The following PRR5L variants were observed in gnomAD, a reference collection of about 807,000 sequenced individuals.
PRR5L encodes proline-rich protein 5-like.
Under a neutral mutation model 36.4 loss-of-function variants are expected in PRR5L, and 21 were observed. The ratio of observed to expected loss-of-function variants is 0.58; its 90% confidence interval spans 0.41 to 0.83. The LOEUF is 0.83. Ranked by LOEUF, PRR5L falls within the 40% of genes least tolerant of loss-of-function variation. The pLI is 0.00. For synonymous variants in PRR5L, 188 were observed against 197.0 expected (o/e 0.95, Z 0.38); for missense variants, 381 against 473.3 (o/e 0.80, Z 1.81).
At chr11:36,356,051 A>G (rs1261430632) in intron 1 of PRR5L, among the ~76,000 whole-genome samples, 2 of 151,994 alleles carry the variant, frequency 1.3e-5, no homozygotes, top group East Asian at 3.9e-4. Context: ...AGCTGGGACT[A>G]CAGGCACATG....
Position 36,391,297 on chromosome 11 carries a change from T to A in PRR5L, c.-125-9700T>A, listed in dbSNP as rs922497691. ...GAATTCATTTGCATTTTCCACTAAG[T>A]GCAGCATCTTCCTCTACCCACTGCC... On this transcript the variant is annotated intron_variant, in intron 1 of 8. Transcript: ENST00000530639. Among the ~76,000 whole-genome samples, 3 of 152,224 alleles carry A rather than the reference T, an allele frequency of 2.0e-5. No individual in the cohort carries two copies. The South Asian group carries it at 6.2e-4, about 32-fold the overall frequency.
intron 1 of PRR5L, chr11:36,329,207 C>T (rs1856694793): frequency 6.6e-6 from 1 of 152,032 alleles, no homozygotes; most frequent in Non-Finnish European, 1.5e-5. Context: ...GCAATGTTAT[C>T]GTCATGGTTA....
At chr11:36,414,175 C>A (rs1267368119) in intron 3 of PRR5L, among the ~76,000 whole-genome samples, 1 of 151,502 alleles carries the variant, frequency 6.6e-6, no homozygotes, top group Admixed American at 6.6e-5. Flanking sequence ...AGTAAACATA[C>A]GTGTGCATGT....
intron 3 of PRR5L, among the ~76,000 whole-genome samples, chr11:36,413,392 C>A (rs1858068686): frequency 6.6e-6 from 1 of 152,188 alleles, no homozygotes; most frequent in South Asian, 2.1e-4. Context: ...TCCTGCGATT[C>A]TTTCTCGGGC....
intron 1 of PRR5L, among the ~76,000 whole-genome samples, chr11:36,389,614 A>ATT (rs368918273): frequency 0.55 from 74,281 of 134,968 alleles, 21,386 homozygotes; most frequent in Admixed American, 0.65. Flanking sequence ...AGCCCCATGT[A>ATT]TTTTTTTTTT....
In PRR5L at chr11:36,319,930, G is replaced by A. The variant is rs138064134; in HGVS notation, c.-126+23492G>A. 7.9e-3 allele frequency among the ~76,000 whole-genome samples: 1,200 copies of A among 152,236 alleles called. 21 individuals carry two copies. The highest frequency in any genetic ancestry group is 0.027 in the African/African-American group (1,141 of 41,530). On this transcript the variant is annotated intron_variant, in intron 1 of 8. Coordinates refer to ENST00000530639, the MANE Select transcript of PRR5L (RefSeq NM_001160167.2). Reference sequence around the variant, plus strand: ...GAGGGGGATTTACCAGCCCTCTCAAGGCTGCACGCAGGAGGAAAGAGGTTG... The same window carrying A: ...GAGGGGGATTTACCAGCCCTCTCAAAGCTGCACGCAGGAGGAAAGAGGTTG...
intron 1 of PRR5L, among the ~76,000 whole-genome samples, chr11:36,322,948 T>C (rs1856627127): frequency 6.6e-6 from 1 of 152,170 alleles, no homozygotes; most frequent in South Asian, 2.1e-4. Context: ...AGCCAAGGAA[T>C]GCAAGGATCG....
intron 4 of PRR5L, among the ~76,000 whole-genome samples, chr11:36,428,978 C>A (rs919663776): frequency 6.6e-6 from 1 of 152,082 alleles, no homozygotes; most frequent in Non-Finnish European, 1.5e-5. Context: ...TGTATTGTGA[C>A]AAATTTTAAA....
chr11:36,431,992 G>T, intron 5 of PRR5L, 82 bp downstream of exon 5: 1 of 1,230,874 alleles, frequency 8.1e-7, no homozygotes, highest in Non-Finnish European at 1.2e-6. Flanking sequence ...CTTCTGTCCA[G>T]AAGGGGCAGG....
Position 36,372,976 on chromosome 11 carries a change from T to TTGTGTGTGTG in PRR5L, c.-125-27999_-125-27990dup, listed in dbSNP as rs36076560. 3.6e-3 allele frequency among the ~76,000 whole-genome samples: 535 copies of TTGTGTGTGTG among 146,748 alleles called. 2 individuals carry two copies. The highest frequency in any genetic ancestry group is 0.012 in the African/African-American group (472 of 40,412). On this transcript the variant is annotated intron_variant, in intron 1 of 8. Transcript: ENST00000530639. ...CTTCAGCTTTTGCGCTGCCTAATAG[T>TTGTGTGTGTG]TGTGTGTGTGTGTGTGTGTGTGTGT...
At chr11:36,322,063 T>G (rs1029316348) in intron 1 of PRR5L, among the ~76,000 whole-genome samples, 25 of 152,316 alleles carry the variant, frequency 1.6e-4, no homozygotes, top group African/African-American at 6.0e-4. Context: ...AGGGATGTAA[T>G]CAACCCATAA....
At chr11:36,309,654 G>GGTGGTGGTGGTA (rs1280311718) in intron 1 of PRR5L, among the ~76,000 whole-genome samples, 1 of 151,722 alleles carries the variant, frequency 6.6e-6, no homozygotes, top group African/African-American at 2.4e-5. Flanking sequence ...TGGGGATGAT[G>GGTGGTGGTGGTA]ATGGTGGTGG....
At chr11:36,358,538 G>A (rs988186958) in intron 1 of PRR5L, among the ~76,000 whole-genome samples, 1 of 152,080 alleles carries the variant, frequency 6.6e-6, no homozygotes, top group African/African-American at 2.4e-5. Context: ...AATAGACTAC[G>A]GTATAGTATA....
chr11:36,433,405 ATGT>A (rs1193613808), intron 5 of PRR5L, among the ~76,000 whole-genome samples: 3 of 152,190 alleles, frequency 2.0e-5, no homozygotes, highest in African/African-American at 7.2e-5. Context: ...CCTCAAATTC[ATGT>A]TGTAGCATGT....
At chr11:36,332,742 C>A (rs962083645) in intron 1 of PRR5L, among the ~76,000 whole-genome samples, 1 of 152,014 alleles carries the variant, frequency 6.6e-6, no homozygotes, top group Non-Finnish European at 1.5e-5. Flanking sequence ...GTTTAAAGAG[C>A]CTGGCACCTC....
At chr11:36,351,596 TATATAAA>T (rs1856963756) in intron 1 of PRR5L, among the ~76,000 whole-genome samples, 1 of 12,232 alleles carries the variant, frequency 8.2e-5, no homozygotes, top group Non-Finnish European at 1.4e-4. Flanking sequence ...TTTATATATT[TATATAAA>T]TATATATTTA....
At chr11:36,296,642 C>G (rs1856314550) in intron 1 of PRR5L, among the ~76,000 whole-genome samples, 1 of 152,262 alleles carries the variant, frequency 6.6e-6, no homozygotes, top group Admixed American at 6.5e-5. Flanking sequence ...CTCTGTCTGT[C>G]TGGCCCTGTT....
intron 1 of PRR5L, among the ~76,000 whole-genome samples, chr11:36,364,478 C>T (rs925103847): frequency 2.0e-5 from 3 of 152,126 alleles, no homozygotes; most frequent in Non-Finnish European, 4.4e-5. Flanking sequence ...TCTTCGGTGT[C>T]TTCATCTGTA....
chr11:36,320,326 C>G (rs1197424640), intron 1 of PRR5L, among the ~76,000 whole-genome samples: 2 of 145,966 alleles, frequency 1.4e-5, no homozygotes, highest in Non-Finnish European at 3.0e-5. Flanking sequence ...TCAGTGCAAT[C>G]TCTGCCTCCC....
Sources: allele counts gnomAD v4.1 joint callset (sites outside exome capture counted in the v4.1 genomes callset), GRCh38; gene constraint gnomAD v4.1.1; transcripts MANE v1.5; gene names NCBI Gene and HGNC (gene_info 2026-07-23, HGNC 2026-07-21).